Variants in CUL9 observed in about 807,000 individuals in gnomAD.
CUL9 encodes the protein cullin 9.
A neutral mutation model predicts 272.6 loss-of-function variants in CUL9; 79 were observed. The observed-to-expected ratio is 0.29, with a 90% CI of 0.24 to 0.35. The LOEUF (loss-of-function observed/expected upper bound fraction) is 0.35, where lower values mean the gene tolerates loss of function less well. Ranked by LOEUF, CUL9 falls within the 10% of genes least tolerant of loss-of-function variation. The pLI is 1.00. For synonymous variants in CUL9, 1,186 were observed against 1,286.5 expected (o/e 0.92, Z 1.67); for missense variants, 2,532 against 3,255.6 (o/e 0.78, Z 5.41).
chr6:43,200,864 T>C lies in CUL9; in HGVS notation c.3647+30T>C, dbSNP rs779607588. 1 of 1,612,524 alleles carries C rather than the reference T, an allele frequency of 6.2e-7. No homozygotes were observed. The highest frequency in any genetic ancestry group is 8.5e-7 in the Non-Finnish European group (1 of 1,178,618). On this transcript the variant is annotated intron_variant, in intron 16 of 40. Transcript: ENST00000252050. The surrounding 1 kb of genome is among the most constrained non-coding windows in gnomAD (Gnocchi z 4.0). The stretch of plus-strand genomic sequence containing the variant: ...GAACACACATATATGAATGTTCTGC[T>C]GTGCCCCAGGATACTTCCCCAAAGC...
intron 8 of CUL9, chr6:43,188,923 T>C: frequency 2.1e-6 from 1 of 473,034 alleles, no homozygotes; most frequent in Non-Finnish European, 3.7e-6. Context: ...GCTAGTATTT[T>C]ACATGCATTC....
At chr6:43,191,411 C>T (rs989126200) in intron 8 of CUL9, among the ~76,000 whole-genome samples, 2 of 150,528 alleles carry the variant, frequency 1.3e-5, no homozygotes, top group African/African-American at 2.5e-5. Flanking sequence ...AACTCTTAGC[C>T]TCTAGCAACC....
At position 43,184,841 on chromosome 6, in the gene CUL9, T is replaced by A. The variant is rs1406171658; in HGVS notation, c.531T>A (p.Asn177Lys). 1 of 1,610,412 alleles carries A rather than the reference T, an allele frequency of 6.2e-7. No individual in the cohort carries two copies. Among genetic ancestry groups the A allele is most frequent in the African/African-American group, 1.3e-5 (1 of 74,908 alleles). ...ALDLLMHMLC[N>K]PEPQIRRSAG... The stretch of plus-strand genomic sequence containing the variant: ...ACCTGCTCATGCACATGTTATGCAA[T>A]CCTGAGCCTCAGATCCGCCGGAGTG... The change falls in exon 2 of 41, where the codon AAT becomes AAA. Residue 177 changes from asparagine (N) to lysine (K), a missense_variant. Coordinates refer to ENST00000252050, the MANE Select transcript of CUL9 (RefSeq NM_015089.4). The surrounding 1 kb of genome is among the most constrained non-coding windows in gnomAD (Gnocchi z 4.8).
Position 43,184,248 on chromosome 6 carries a change from A to G in CUL9, c.-9-54A>G, listed in dbSNP as rs1772713854. The G allele has an allele frequency of 8.6e-6, 11 of 1,279,936 alleles. No individual in the cohort carries two copies. The highest frequency in any genetic ancestry group is 3.9e-5 in the South Asian group (2 of 50,814). The allele number at this position is 1,279,936 out of a possible 1,614,324, so 79.3% of individuals were successfully genotyped here. A position where few individuals can be genotyped will look rare whatever the true frequency, so the allele number is the denominator to read the frequency against. On this transcript the variant is annotated intron_variant, in intron 1 of 40. Transcript: ENST00000252050. This position sits in a 1 kb window ranked among gnomAD's most constrained non-coding sequence, Gnocchi z 4.8. The stretch of plus-strand genomic sequence containing the variant: ...TGTGTCTCAAGATTCCACCCCCTCC[A>G]TGTATTTTTTTTCTTTTCTCATACT...
rs995369630 is a variant in CUL9, at chr6:43,196,150, G to A, written c.2470G>A (p.Asp824Asn). The A allele has an allele frequency of 6.2e-7, 1 of 1,614,146 alleles. No individual in the cohort carries two copies. Among genetic ancestry groups the A allele is most frequent in the South Asian group, 1.1e-5 (1 of 91,072 alleles). The change falls in exon 10 of 41, where the codon GAT (aspartate) becomes AAT (asparagine). Residue 824 changes from aspartate (D) to asparagine (N), a missense_variant. Coordinates refer to ENST00000252050, the MANE Select transcript of CUL9 (RefSeq NM_015089.4). ...CCGAGATTCTATCCACTCTTTGTTT[G>A]ATGCTCAGATGACCAGAGAGATCTT... ...TGRDSIHSLF[D>N]AQMTREIFAS...
intron 8 of CUL9, among the ~76,000 whole-genome samples, chr6:43,190,544 A>C (rs1459507930): frequency 6.6e-6 from 1 of 151,512 alleles, no homozygotes; most frequent in East Asian, 2.0e-4. Context: ...AGATTGACAG[A>C]AAAAAAATCT....
chr6:43,212,295 C>T (rs73736728), intron 26 of CUL9, among the ~76,000 whole-genome samples: 4,005 of 152,316 alleles, frequency 0.026, 87 homozygotes, highest in African/African-American at 0.069. Context: ...CTTGTCTATA[C>T]ATTACATGTA....
Position 43,206,395 on chromosome 6 carries a change from C to T in CUL9, c.5097C>T (p.Val1699=), listed in dbSNP as rs1562045723. ...EDPSPAISIL[V]LSPRCWPVSP... Reference sequence around the variant, plus strand: ...CAAGTCCAGCCATTTCTATACTGGTCCTGTCACCACGCTGCTGGCCCGTCT... The same window carrying T: ...CAAGTCCAGCCATTTCTATACTGGTTCTGTCACCACGCTGCTGGCCCGTCT... Residue 1699 remains valine (V), a synonymous_variant, in exon 26 of 41, where the codon GTC becomes GTT. Coordinates refer to ENST00000252050, the MANE Select transcript of CUL9 (RefSeq NM_015089.4). The surrounding 1 kb of genome is among the most constrained non-coding windows in gnomAD (Gnocchi z 4.8). 3.7e-6 allele frequency: 6 copies of T among 1,614,158 alleles called. No individual in the cohort carries two copies. Among genetic ancestry groups the T allele is most frequent in the Middle Eastern group, 3.3e-4 (2 of 6,062 alleles).
intron 9 of CUL9, among the ~76,000 whole-genome samples, chr6:43,194,080 C>T (rs1483459597): frequency 1.3e-5 from 2 of 152,158 alleles, no homozygotes; most frequent in Non-Finnish European, 2.9e-5. Flanking sequence ...CCTGGTTACT[C>T]CAGACAGAAG....
In CUL9 at chr6:43,223,287, G is replaced by C. The variant is rs1259058545; in HGVS notation, c.7174G>C (p.Asp2392His). The part of the protein sequence containing the change: ...LLEETLLRCR[D>H]LASSLRLLRA... ...AGAGGAAACCCTGCTGCGGTGCAGA[G>C]ACCTGGCCTCCTCCCTGCGCCTCCT... The change falls in exon 39 of 41, where the codon GAC (aspartate) becomes CAC (histidine). Residue 2392 changes from aspartate (D) to histidine (H), a missense_variant. Physicochemically the swap from Asp to His is moderately conservative, Grantham distance 81. Coordinates refer to ENST00000252050, the MANE Select transcript of CUL9 (RefSeq NM_015089.4). This position sits in a 1 kb window ranked among gnomAD's most constrained non-coding sequence, Gnocchi z 4.1. The C allele has an allele frequency of 1.9e-6, 3 of 1,599,974 alleles. No homozygotes were observed. The highest frequency in any genetic ancestry group is 3.4e-5 in the Admixed American group (2 of 58,130).
At chr6:43,197,569 C>T (rs549881348) in intron 11 of CUL9, among the ~76,000 whole-genome samples, 151 of 151,048 alleles carry the variant, frequency 1.0e-3, no homozygotes, top group African/African-American at 3.3e-3. Flanking sequence ...CTGCAAGCTC[C>T]GCCTCCCGGG....
At chr6:43,222,207 T>C (rs1009264635) in intron 35 of CUL9, 109 bp from the exon 36 acceptor site, 23 of 810,784 alleles carry the variant, frequency 2.8e-5, no homozygotes, top group Non-Finnish European at 4.1e-5. Flanking sequence ...TGAATGAAGA[T>C]AATCGGGGGA....
chr6:43,212,402 C>G (rs969830041), intron 26 of CUL9, among the ~76,000 whole-genome samples: 1 of 152,180 alleles, frequency 6.6e-6, no homozygotes, highest in Non-Finnish European at 1.5e-5. Flanking sequence ...AGTTCTGTCA[C>G]TCCTTCTTCA....
chr6:43,196,314 C>G, intron 10 of CUL9, 49 bp downstream of exon 10: 1 of 1,527,472 alleles, frequency 6.5e-7, no homozygotes, highest in Non-Finnish European at 8.9e-7. Context: ...GTCCCAAACC[C>G]TGCTACTCCT....
chr6:43,215,178 A>C lies in CUL9; in HGVS notation c.5788A>C (p.Ile1930Leu). ...ACTSTDVLSCILHLLGQGYVK... is the reference protein window; with the variant it reads ...ACTSTDVLSCLLHLLGQGYVK... ...TACCAGTACAGATGTCCTCTCTTGC[A>C]TCCTGCACCTCTTAGGCCAGGGCTA... is the stretch of plus-strand genomic sequence containing the variant. Residue 1930 changes from isoleucine to leucine, a missense_variant, in exon 30 of 41, where the codon ATC becomes CTC. Transcript: ENST00000252050. 1 of 1,614,216 alleles carries C rather than the reference A, an allele frequency of 6.2e-7. No individual in the cohort carries two copies. The highest frequency in any genetic ancestry group is 1.3e-5 in the African/African-American group (1 of 75,060).
At chr6:43,209,147 C>CTTTCT (rs1775266467) in intron 26 of CUL9, among the ~76,000 whole-genome samples, 1 of 131,050 alleles carries the variant, frequency 7.6e-6, no homozygotes, top group Admixed American at 7.8e-5. Context: ...TTCTTTCTTT[C>CTTTCT]TTTTTTTTTT....
At chr6:43,192,938 A>G (rs1773660010) in intron 8 of CUL9, 63 bp from the exon 9 acceptor site, 5 of 1,476,770 alleles carry the variant, frequency 3.4e-6, no homozygotes, top group African/African-American at 2.8e-5. Flanking sequence ...CGACGGTGCC[A>G]TGGCTGGGAG....
chr6:43,196,159 A>G lies in CUL9; in HGVS notation c.2479A>G (p.Met827Val). Residue 827 changes from methionine (M) to valine (V), a missense_variant, in exon 10 of 41, where the codon ATG becomes GTG. Physicochemically the swap from Met to Val is conservative, Grantham distance 21. This residue lies in a region of CUL9 where 2,218 missense variants were observed against 2,788.6 expected (regional missense o/e 0.80). Coordinates refer to ENST00000252050, the MANE Select transcript of CUL9 (RefSeq NM_015089.4). ...TATCCACTCTTTGTTTGATGCTCAG[A>G]TGACCAGAGAGATCTTCGCCAGCAT... ...DSIHSLFDAQ[M>V]TREIFASIDS... 6.2e-7 allele frequency: 1 copy of G among 1,614,174 alleles called. No homozygotes were observed. The highest frequency in any genetic ancestry group is 1.1e-5 in the South Asian group (1 of 91,082).
chr6:43,214,976 T>TAA, intron 29 of CUL9, 103 bp from the exon 30 acceptor site: 2 of 1,334,684 alleles, frequency 1.5e-6, no homozygotes, highest in Non-Finnish European at 2.0e-6. Context: ...GACTGTCTCT[T>TAA]AAAAAAAAAG....
Sources: gnomAD v4.1 joint callset for allele counts (sites outside exome capture counted in the v4.1 genomes callset) on GRCh38, gnomAD v4.1.1 for gene constraint, gnomAD v4.1.1 regional missense constraint, Gnocchi (gnomAD v3.1) non-coding constraint, MANE v1.5 for transcripts, NCBI Gene and HGNC (gene_info 2026-07-23, HGNC 2026-07-21) for gene names.